OSGIN2: variants seen among roughly 807,000 people sequenced by gnomAD.
The protein encoded by OSGIN2 is oxidative stress-induced growth inhibitor 2.
In OSGIN2, 19 loss-of-function variants were observed where a neutral mutation model predicts 53.8. That is an observed-to-expected ratio of 0.35 (90% CI 0.25 to 0.52). The LOEUF (loss-of-function observed/expected upper bound fraction) is 0.52, where lower values mean the gene tolerates loss of function less well. OSGIN2 is among the 20% of genes least tolerant of loss of function. The pLI, the probability that OSGIN2 is intolerant of heterozygous loss-of-function variation, is 0.95. For missense variants in OSGIN2, 520 were observed against 662.7 expected (o/e 0.78, Z 2.36); for synonymous variants, 236 against 236.0 (o/e 1.00, Z 0.00).
Position 89,926,524 on chromosome 8 carries a change from T to G in OSGIN2, c.*992T>G, listed in dbSNP as rs1377343249. ...AATTATTAAAGGTTAAAATAGAAAA[T>G]AAAGTCAGAATTTTTCTTTTCCATT... On this transcript the variant is annotated 3_prime_UTR_variant, in exon 6 of 6. Coordinates refer to ENST00000451899, the MANE Select transcript of OSGIN2 (RefSeq NM_001126111.3). The G allele has an allele frequency of 6.6e-6, 1 of 152,602 alleles. No homozygotes were observed. The highest frequency in any genetic ancestry group is 1.5e-5 in the Non-Finnish European group (1 of 68,010). 9.5% of individuals were successfully genotyped at this position (152,602 alleles called of 1,614,324 possible).
At chr8:89,919,802 G>A (rs758612945) in intron 4 of OSGIN2, among the ~76,000 whole-genome samples, 1 of 152,074 alleles carries the variant, frequency 6.6e-6, no homozygotes, top group Non-Finnish European at 1.5e-5. Flanking sequence ...CTTTCTAATG[G>A]TACACTCCTC....
rs375286854 is a variant in OSGIN2, at chr8:89,925,462, G to A, written c.1580G>A (p.Arg527His). 65 of 1,613,986 alleles carry A rather than the reference G, an allele frequency of 4.0e-5. No homozygotes were observed. The highest frequency in any genetic ancestry group is 5.3e-5 in the African/African-American group (4 of 74,912). Residue 527 changes from arginine to histidine, a missense_variant, in exon 6 of 6, where the codon CGC becomes CAC. Transcript: ENST00000451899. ...FLKGGALGVT[R>H]CLATRQKKKH... ...AAGGGAGGGGCGCTGGGTGTTACAC[G>A]CTGTTTAGCTACAAGACAGAAGAAA... is the stretch of plus-strand genomic sequence containing the variant.
chr8:89,920,375 C>T (rs1450901815), intron 4 of OSGIN2, among the ~76,000 whole-genome samples: 3 of 152,180 alleles, frequency 2.0e-5, no homozygotes, highest in African/African-American at 7.2e-5. Flanking sequence ...AAAGGAGCCA[C>T]TGCCTAAAAG....
intron 5 of OSGIN2, 135 bp from the exon 6 acceptor site, chr8:89,924,367 TA>T: frequency 3.4e-6 from 2 of 588,484 alleles, no homozygotes; most frequent in Non-Finnish European, 5.6e-6. Flanking sequence ...GTTTTTTTTT[TA>T]AGTGTTAGGA....
At chr8:89,917,206 A>G (rs1002974416) in intron 4 of OSGIN2, among the ~76,000 whole-genome samples, 4 of 152,262 alleles carry the variant, frequency 2.6e-5, no homozygotes, top group South Asian at 2.1e-4. Context: ...TTCATTAGCT[A>G]CTCACTCCAG....
chr8:89,914,185 A>C lies in OSGIN2; in HGVS notation c.308A>C (p.Glu103Ala), dbSNP rs201023466. 40 of 1,603,548 alleles carry C rather than the reference A, an allele frequency of 2.5e-5. No homozygotes were observed. Among genetic ancestry groups the C allele is most frequent in the Admixed American group, 1.7e-4 (10 of 59,148 alleles). The change falls in exon 3 of 6, where the codon GAA (glutamate) becomes GCA (alanine). Residue 103 changes from glutamate to alanine, a missense_variant. Physicochemically the swap from Glu to Ala is moderately radical, Grantham distance 107. Coordinates refer to ENST00000451899, the MANE Select transcript of OSGIN2 (RefSeq NM_001126111.3). Reference sequence around the variant, plus strand: ...ACAATCTTAAATAGTAAATTAGAAGAAGCAAGACATCTTTCCATTGTTGAT... The same window carrying C: ...ACAATCTTAAATAGTAAATTAGAAGCAGCAAGACATCTTTCCATTGTTGAT... ...PNTILNSKLE[E>A]ARHLSIVDQD...
intron 2 of OSGIN2, among the ~76,000 whole-genome samples, chr8:89,911,366 C>T (rs1168317977): frequency 1.3e-5 from 2 of 152,080 alleles, no homozygotes; most frequent in Non-Finnish European, 2.9e-5. Context: ...CAGTGGATCA[C>T]GCCTGTTATC....
rs1312905909 is a variant in OSGIN2 at position 89,909,595 on chromosome 8, G to C, written c.73G>C (p.Glu25Gln). The C allele has an allele frequency of 3.2e-6, 5 of 1,578,708 alleles. No individual in the cohort carries two copies. In the Middle Eastern group the frequency reaches 5.0e-4, roughly 159 times the overall value. Residue 25 changes from glutamate (E) to glutamine (Q), a missense_variant, in exon 2 of 6, where the codon GAG (glutamate) becomes CAG (glutamine). By Grantham distance (29) the Glu-to-Gln change is conservative. Coordinates refer to ENST00000451899, the MANE Select transcript of OSGIN2 (RefSeq NM_001126111.3). ...CTATAGTGACACTGAAACTGAAGGA[G>C]AGATTTTTAATTCCTTAGTGCAATA... ...RNYSDTETEG[E>Q]IFNSLVQYFG... is the part of the protein sequence containing the mutation.
At chr8:89,916,638 A>G (rs1427438630) in intron 4 of OSGIN2, among the ~76,000 whole-genome samples, 1 of 152,144 alleles carries the variant, frequency 6.6e-6, no homozygotes, top group Non-Finnish European at 1.5e-5. Flanking sequence ...TTAGCTTCAT[A>G]TAGTTCTCTG....
intron 2 of OSGIN2, among the ~76,000 whole-genome samples, chr8:89,913,273 A>T (rs1379450661): frequency 6.6e-6 from 1 of 152,178 alleles, no homozygotes; most frequent in African/African-American, 2.4e-5. Flanking sequence ...AGGTTAAACT[A>T]TAAATTCCTT....
intron 2 of OSGIN2, among the ~76,000 whole-genome samples, chr8:89,912,994 A>T (rs1809002070): frequency 6.6e-6 from 1 of 152,152 alleles, no homozygotes; most frequent in African/African-American, 2.4e-5. Context: ...ATAGAGTCAG[A>T]CAGTCATCAG....
At chr8:89,908,232 G>C (rs570625502) in intron 1 of OSGIN2, among the ~76,000 whole-genome samples, 1 of 152,294 alleles carries the variant, frequency 6.6e-6, no homozygotes, top group East Asian at 1.9e-4. Flanking sequence ...TTCCTCCCAA[G>C]GGTAGGCTTG....
rs1563484138 is a variant in OSGIN2 at position 89,927,813 on chromosome 8, A to AT, written c.*2283dup. ...TTTCTGTGGCATCAAATTTTAGTTGATTGTATTAGTCAATAGGAAGTGGTG... is the reference window on the plus strand; with the variant it reads ...TTTCTGTGGCATCAAATTTTAGTTGATTTGTATTAGTCAATAGGAAGTGGTG... On this transcript the variant is annotated 3_prime_UTR_variant, in exon 6 of 6. Coordinates refer to ENST00000451899, the MANE Select transcript of OSGIN2 (RefSeq NM_001126111.3). The AT allele has an allele frequency of 6.6e-6, 1 of 152,204 alleles. No homozygotes were observed. The highest frequency in any genetic ancestry group is 1.9e-4 in the East Asian group (1 of 5,200). The allele number at this position is 152,204 out of a possible 1,614,324, so 9.4% of individuals were successfully genotyped here.
At chr8:89,919,335 A>G (rs1237530189) in intron 4 of OSGIN2, among the ~76,000 whole-genome samples, 1 of 152,200 alleles carries the variant, frequency 6.6e-6, no homozygotes, top group Non-Finnish European at 1.5e-5. Context: ...TCCAGGAGAA[A>G]CCAAGTGTAA....
rs774093387 is a variant in OSGIN2, at chr8:89,909,695, C to T, written c.173C>T (p.Ser58Leu). ...GAAACTTCTTTACTGGAAGATTCGT[C>T]AGTGACTTTTCCTGTGGTAATAATA... is the stretch of plus-strand genomic sequence containing the variant. ...VEETSLLEDS[S>L]VTFPVVIIGN... Residue 58 changes from serine to leucine, a missense_variant, in exon 2 of 6, where the codon TCA becomes TTA. Transcript: ENST00000451899. 2.5e-6 allele frequency: 4 copies of T among 1,608,620 alleles called. No individual in the cohort carries two copies. Among genetic ancestry groups the T allele is most frequent in the Admixed American group, 3.3e-5 (2 of 59,846 alleles).
intron 1 of OSGIN2, among the ~76,000 whole-genome samples, chr8:89,905,911 G>A (rs1380125339): frequency 6.6e-6 from 1 of 152,022 alleles, no homozygotes; most frequent in Non-Finnish European, 1.5e-5. Context: ...AATTTAAAAT[G>A]AAATTAACAA....
intron 2 of OSGIN2, among the ~76,000 whole-genome samples, chr8:89,912,317 G>C (rs565698303): frequency 6.6e-6 from 1 of 152,334 alleles, no homozygotes; most frequent in South Asian, 2.1e-4. Flanking sequence ...CTGGAAAGAT[G>C]GTTGAGATGT....
chr8:89,925,591 T>G lies in OSGIN2; in HGVS notation c.*59T>G. The G allele has an allele frequency of 2.2e-6, 3 of 1,380,528 alleles. No homozygotes were observed. In the South Asian group the frequency reaches 3.9e-5, roughly 18 times the overall value. The allele number at this position is 1,380,528 out of a possible 1,614,324, so 85.5% of individuals were successfully genotyped here. On this transcript the variant is annotated 3_prime_UTR_variant, in exon 6 of 6. Coordinates refer to ENST00000451899, the MANE Select transcript of OSGIN2 (RefSeq NM_001126111.3). The stretch of plus-strand genomic sequence containing the variant: ...GCCATTAAAGATTTTTAATAGTGGT[T>G]TTGCAGTGTACTGGCTTGAATTTTC...
rs1235579401 is a variant in OSGIN2 at position 89,924,952 on chromosome 8, C to T, written c.1070C>T (p.Ala357Val). 1 of 1,614,018 alleles carries T rather than the reference C, an allele frequency of 6.2e-7. No individual in the cohort carries two copies. The highest frequency in any genetic ancestry group is 8.5e-7 in the Non-Finnish European group (1 of 1,179,970). ...PVLIVGSGLT[A>V]ADAVLCAYNS... is the part of the protein sequence containing the mutation. ...TTAATTGTAGGTTCTGGGCTTACTGCCGCTGACGCAGTACTGTGTGCTTAC... is the reference window on the plus strand; with the variant it reads ...TTAATTGTAGGTTCTGGGCTTACTGTCGCTGACGCAGTACTGTGTGCTTAC... Residue 357 changes from alanine to valine, a missense_variant, in exon 6 of 6, where the codon GCC becomes GTC. Transcript: ENST00000451899.
Sources: gnomAD v4.1 joint callset for allele counts (sites outside exome capture counted in the v4.1 genomes callset) on GRCh38, gnomAD v4.1.1 for gene constraint, MANE v1.5 for transcripts, NCBI Gene and HGNC (gene_info 2026-07-23, HGNC 2026-07-21) for gene names.